KCNH1: variants seen among roughly 807,000 people sequenced by gnomAD.
KCNH1 encodes the protein potassium voltage-gated channel subfamily H member 1.
KCNH1 carries 27 observed loss-of-function variants against 69.2 expected under a neutral mutation model. The ratio of observed to expected loss-of-function variants is 0.39; its 90% CI spans 0.29 to 0.54. KCNH1 has a LOEUF of 0.54. KCNH1 is among the 20% of genes least tolerant of loss of function. The pLI, the probability that KCNH1 is intolerant of heterozygous loss-of-function variation, is 0.68. For synonymous variants in KCNH1, 456 were observed against 487.7 expected (o/e 0.93, Z 0.86); for missense variants, 798 against 1,261.6 (o/e 0.63, Z 5.57).
In KCNH1 at chr1:211,050,260, TAAAAAAAAAAAAAAAAA is replaced by T. The variant is rs747498526; in HGVS notation, c.559-31021_559-31005del. ...AGGACAAACTCAGCCCACACATTCT[TAAAAAAAAAAAAAAAAA>T]AAAAAAAAAAAAAGGACAGCTTGAT... On this transcript the variant is annotated intron_variant, in intron 5 of 10. Coordinates refer to ENST00000271751, the MANE Select transcript of KCNH1 (RefSeq NM_172362.3). Among the ~76,000 whole-genome samples the T allele has an allele frequency of 1.5e-4, 9 of 58,582 alleles. 1 individual carries two copies. The highest frequency in any genetic ancestry group is 7.8e-4 in the Admixed American group (3 of 3,828). The allele number at this position is 58,582 out of a possible 152,430, so 38.4% of individuals were successfully genotyped here.
chr1:210,840,502 T>C (rs955517503), intron 7 of KCNH1, among the ~76,000 whole-genome samples: 3 of 152,148 alleles, frequency 2.0e-5, no homozygotes, highest in African/African-American at 7.2e-5. Flanking sequence ...GGGGGGCATT[T>C]GGTGAAGGGA....
In KCNH1 at chr1:210,721,800, AAAATAAATAAATAAAT is replaced by A. The variant is rs71728390; in HGVS notation, c.2113-37678_2113-37663del. Among the ~76,000 whole-genome samples, 29 of 151,212 alleles carry A rather than the reference AAAATAAATAAATAAAT, an allele frequency of 1.9e-4. 1 individual carries two copies. In the South Asian group the frequency reaches 5.2e-3, roughly 27 times the overall value. ...GTACCCTAAAACTTAAAGTATAATA[AAAATAAATAAATAAAT>A]AAATAAATAAATAAATGAAAAAGAA... On this transcript the variant is annotated intron_variant, in intron 10 of 10. Coordinates refer to ENST00000271751, the MANE Select transcript of KCNH1 (RefSeq NM_172362.3).
At chr1:210,763,199 A>G (rs1038656971) in intron 10 of KCNH1, among the ~76,000 whole-genome samples, 1 of 152,166 alleles carries the variant, frequency 6.6e-6, no homozygotes, top group Non-Finnish European at 1.5e-5. Flanking sequence ...ACCCTCAAAA[A>G]ACTGGGAATT....
rs573699501 is a variant in KCNH1, at chr1:210,878,399, C to CA, written c.1462+41240dup. Among the ~76,000 whole-genome samples the CA allele has an allele frequency of 8.6e-5, 13 of 151,964 alleles. No individual in the cohort carries two copies. In the East Asian group the frequency reaches 1.5e-3, roughly 18 times the overall value. ...CCAAGATAGAACACATTCTGGGCCA[C>CA]AAAAAACATCTTAACAAGTTTAAAA... On this transcript the variant is annotated intron_variant, in intron 7 of 10. Transcript: ENST00000271751.
intron 5 of KCNH1, among the ~76,000 whole-genome samples, chr1:211,081,631 A>G (rs905715750): frequency 2.6e-5 from 4 of 152,248 alleles, no homozygotes; most frequent in African/African-American, 9.6e-5. Flanking sequence ...ATGGAATACT[A>G]TGCAGCCATT....
chr1:210,873,620 C>G (rs1042431790), intron 7 of KCNH1, among the ~76,000 whole-genome samples: 1 of 152,066 alleles, frequency 6.6e-6, no homozygotes, highest in African/African-American at 2.4e-5. Context: ...CTAACTCAGC[C>G]CCCCAAAGTT....
In KCNH1 at chr1:210,742,502, G is replaced by A. The variant is rs569489718; in HGVS notation, c.2112+32846C>T. The stretch of plus-strand genomic sequence containing the variant: ...AAGGAGGCAGGCCGCAGACCACTGC[G>A]TCTCTGGGATTTCTCCTGGTACAAT... On this transcript the variant is annotated intron_variant, in intron 10 of 10. Coordinates refer to ENST00000271751, the MANE Select transcript of KCNH1 (RefSeq NM_172362.3). 1.7e-3 allele frequency among the ~76,000 whole-genome samples: 252 copies of A among 152,278 alleles called. 1 individual carries two copies. The highest frequency in any genetic ancestry group is 5.7e-3 in the African/African-American group (236 of 41,564).
At chr1:211,098,387 C>T (rs931672856) in intron 3 of KCNH1, among the ~76,000 whole-genome samples, 4 of 149,908 alleles carry the variant, frequency 2.7e-5, no homozygotes, top group East Asian at 2.0e-4. Context: ...AGTAACAATA[C>T]GAAATATACA....
intron 4 of KCNH1, among the ~76,000 whole-genome samples, chr1:211,083,918 AT>A (rs1456866653): frequency 6.6e-6 from 1 of 152,166 alleles, no homozygotes; most frequent in African/African-American, 2.4e-5. Context: ...TCCATATTTT[AT>A]TTTTCTACAC....
At chr1:210,966,417 C>A (rs191400346) in intron 6 of KCNH1, among the ~76,000 whole-genome samples, 19 of 152,226 alleles carry the variant, frequency 1.2e-4, no homozygotes, top group African/African-American at 3.6e-4. Context: ...TTCTGCACAG[C>A]AAAAGAAACT....
chr1:210,927,592 CACCAAAATGGAA>C, intron 6 of KCNH1, among the ~76,000 whole-genome samples: 1 of 152,146 alleles, frequency 6.6e-6, no homozygotes, highest in Non-Finnish European at 1.5e-5. Flanking sequence ...CCTTGAAGTA[CACCAAAATGGAA>C]CCTCCTTAAA....
Position 210,701,490 on chromosome 1 carries a change from A to C in KCNH1, c.2113-17352T>G, listed in dbSNP as rs146498029. ...TTCTCTGAAGCAGAGCTTTCTTCTA[A>C]GATTCTAAGATACCAACTTGGGATC... On this transcript the variant is annotated intron_variant, in intron 10 of 10. Coordinates refer to ENST00000271751, the MANE Select transcript of KCNH1 (RefSeq NM_172362.3). Among the ~76,000 whole-genome samples, 594 of 152,332 alleles carry C rather than the reference A, an allele frequency of 3.9e-3. 3 individuals carry two copies. The highest frequency in any genetic ancestry group is 0.01 in the Middle Eastern group (3 of 294).
At chr1:210,773,210 G>A (rs1258649531) in intron 10 of KCNH1, among the ~76,000 whole-genome samples, 1 of 152,120 alleles carries the variant, frequency 6.6e-6, no homozygotes, top group Non-Finnish European at 1.5e-5. Context: ...GATCAACCAG[G>A]AAGAACATTG....
intron 7 of KCNH1, among the ~76,000 whole-genome samples, chr1:210,892,877 T>C (rs1558514398): frequency 6.6e-6 from 1 of 152,196 alleles, no homozygotes; most frequent in Non-Finnish European, 1.5e-5. Flanking sequence ...TATCAGTATA[T>C]ATAGTCCCTG....
intron 9 of KCNH1, among the ~76,000 whole-genome samples, chr1:210,779,063 T>C (rs751310038): frequency 2.6e-5 from 4 of 152,202 alleles, no homozygotes; most frequent in African/African-American, 9.6e-5. Flanking sequence ...TAAGTGCATC[T>C]GTAGAAATGA....
intron 10 of KCNH1, among the ~76,000 whole-genome samples, chr1:210,733,423 AC>A (rs1415539804): frequency 3.3e-5 from 5 of 152,068 alleles, no homozygotes; most frequent in African/African-American, 1.2e-4. Context: ...GCCCCCAGGA[AC>A]CCCCTTCATC....
At chr1:210,843,161 A>G (rs552610856) in intron 7 of KCNH1, among the ~76,000 whole-genome samples, 4 of 152,196 alleles carry the variant, frequency 2.6e-5, no homozygotes, top group Non-Finnish European at 5.9e-5. Flanking sequence ...AGCAAGAAAA[A>G]GGAATGATAT....
chr1:210,855,221 C>G (rs1433939699), intron 7 of KCNH1, among the ~76,000 whole-genome samples: 1 of 152,118 alleles, frequency 6.6e-6, no homozygotes, highest in Non-Finnish European at 1.5e-5. Flanking sequence ...AAGAAGAAAC[C>G]ACAATCAGAG....
rs533509011 is a variant in KCNH1, at chr1:210,956,023, G to A, written c.1033-35954C>T. Among the ~76,000 whole-genome samples the A allele has an allele frequency of 9.9e-4, 151 of 152,276 alleles. 1 individual carries two copies. The highest frequency in any genetic ancestry group is 3.3e-3 in the African/African-American group (136 of 41,550). On this transcript the variant is annotated intron_variant, in intron 6 of 10. Coordinates refer to ENST00000271751, the MANE Select transcript of KCNH1 (RefSeq NM_172362.3). ...TTTCCAGTTTTTGCCCATTCAGTAT[G>A]ATATTGGCTGTGGGTTTGTCATAGA...
Sources: allele counts gnomAD v4.1 joint callset (sites outside exome capture counted in the v4.1 genomes callset), GRCh38; gene constraint gnomAD v4.1.1; transcripts MANE v1.5; gene names NCBI Gene and HGNC (gene_info 2026-07-23, HGNC 2026-07-21).